Variants in TMEM117 observed in about 807,000 individuals in gnomAD.
TMEM117 encodes transmembrane protein 117.
In TMEM117, 27 loss-of-function variants were observed where a neutral mutation model predicts 52.4. The ratio of observed to expected loss-of-function variants is 0.51; its 90% confidence interval spans 0.38 to 0.71. TMEM117 has a LOEUF of 0.71. Ranked by LOEUF, TMEM117 falls within the 30% of genes least tolerant of loss-of-function variation. The pLI is 0.00. For synonymous variants in TMEM117, 215 were observed against 206.3 expected (o/e 1.04, Z -0.36); for missense variants, 556 against 630.5 (o/e 0.88, Z 1.26).
intron 4 of TMEM117, among the ~76,000 whole-genome samples, chr12:44,156,784 G>A (rs1948831296): frequency 6.6e-6 from 1 of 152,016 alleles, no homozygotes; most frequent in Non-Finnish European, 1.5e-5. Flanking sequence ...ATATGAAGAG[G>A]GTTGGCTTTC....
At chr12:44,051,511 G>A (rs1946972008) in intron 3 of TMEM117, among the ~76,000 whole-genome samples, 1 of 152,116 alleles carries the variant, frequency 6.6e-6, no homozygotes, top group Non-Finnish European at 1.5e-5. Flanking sequence ...CAAGACTAAT[G>A]TTGTAAGGGA....
At chr12:43,915,365 G>C (rs562075489) in intron 2 of TMEM117, among the ~76,000 whole-genome samples, 9 of 152,202 alleles carry the variant, frequency 5.9e-5, no homozygotes, top group Non-Finnish European at 4.4e-5. Context: ...TGGGCTTCCT[G>C]TCTTGAGTCT....
chr12:43,846,341 G>A (rs868722243), intron 2 of TMEM117, among the ~76,000 whole-genome samples: 13 of 80,490 alleles, frequency 1.6e-4, no homozygotes, highest in Middle Eastern at 6.9e-3. Context: ...GTTATGATGC[G>A]TTTGTCTCTC....
At chr12:44,276,755 T>C (rs779327693) in intron 5 of TMEM117, among the ~76,000 whole-genome samples, 7 of 152,164 alleles carry the variant, frequency 4.6e-5, no homozygotes, top group Non-Finnish European at 8.8e-5. Flanking sequence ...CATAAAGATA[T>C]ATAATTTTTA....
At position 43,867,359 on chromosome 12, in the gene TMEM117, G is replaced by A. The variant is rs147244924; in HGVS notation, c.277+22431G>A. Among the ~76,000 whole-genome samples, 28 of 152,166 alleles carry A rather than the reference G, an allele frequency of 1.8e-4. No individual in the cohort carries two copies. In the East Asian group the frequency reaches 5.4e-3, roughly 29 times the overall value. ...AGAGGATACGTAAGAAACCTAAATA[G>A]GATGTAAATTATTATACTAATAAAA... On this transcript the variant is annotated intron_variant, in intron 2 of 7. Coordinates refer to ENST00000266534, the MANE Select transcript of TMEM117 (RefSeq NM_032256.3).
intron 6 of TMEM117, among the ~76,000 whole-genome samples, chr12:44,349,136 ATACTATAGAC>A (rs562863644): frequency 4.5e-4 from 69 of 152,044 alleles, no homozygotes; most frequent in Non-Finnish European, 7.5e-4. Flanking sequence ...CCCTCTTAAA[ATACTATAGAC>A]TGTTATCAAT....
chr12:43,871,010 C>G (rs1943694826), intron 2 of TMEM117, among the ~76,000 whole-genome samples: 1 of 152,110 alleles, frequency 6.6e-6, no homozygotes, highest in African/African-American at 2.4e-5. Context: ...GTCTCGAACT[C>G]CTGACCTCAG....
At chr12:44,309,607 A>T (rs1484916517) in intron 6 of TMEM117, among the ~76,000 whole-genome samples, 1 of 152,136 alleles carries the variant, frequency 6.6e-6, no homozygotes, top group Non-Finnish European at 1.5e-5. Context: ...AGCACTTAAT[A>T]TGTACTGGGC....
intron 4 of TMEM117, among the ~76,000 whole-genome samples, chr12:44,147,470 T>C (rs932826466): frequency 1.3e-5 from 2 of 152,170 alleles, no homozygotes; most frequent in Admixed American, 6.5e-5. Context: ...CTTCTGCTGA[T>C]CTATGCCTAA....
the TMEM117 span, among the ~76,000 whole-genome samples, chr12:44,397,811 A>G: frequency 2.6e-5 from 4 of 152,158 alleles, no homozygotes; most frequent in Admixed American, 6.6e-5. Context: ...GCCCTAAGCA[A>G]ATCAATTGTG....
intron 3 of TMEM117, among the ~76,000 whole-genome samples, chr12:43,977,304 A>G (rs10748385): frequency 0.97 from 147,879 of 152,246 alleles, 71,896 homozygotes; most frequent in East Asian, 1. Context: ...AAGCTGCATC[A>G]TCCAGGGCTG....
chr12:44,102,517 T>G (rs1340694237), intron 3 of TMEM117, among the ~76,000 whole-genome samples: 1 of 151,934 alleles, frequency 6.6e-6, no homozygotes, highest in African/African-American at 2.4e-5. Context: ...TCTTCATCTC[T>G]GTAATACTAT....
chr12:44,206,062 T>A (rs1197320735), intron 4 of TMEM117, among the ~76,000 whole-genome samples: 1 of 152,242 alleles, frequency 6.6e-6, no homozygotes, highest in Non-Finnish European at 1.5e-5. Flanking sequence ...CCCACATATT[T>A]ATTGACAGCA....
At chr12:44,290,745 C>G (rs1950693681) in intron 5 of TMEM117, among the ~76,000 whole-genome samples, 1 of 152,144 alleles carries the variant, frequency 6.6e-6, no homozygotes, top group African/African-American at 2.4e-5. Context: ...TCAAGCAATC[C>G]TCCCACCTCA....
rs980327904 is a variant in TMEM117 at position 44,162,632 on chromosome 12, G to A, written c.510+19008G>A. 3.3e-5 allele frequency among the ~76,000 whole-genome samples: 5 copies of A among 152,192 alleles called. No individual in the cohort carries two copies. The South Asian group carries it at 8.3e-4, about 25-fold the overall frequency. On this transcript the variant is annotated intron_variant, in intron 4 of 7. Coordinates refer to ENST00000266534, the MANE Select transcript of TMEM117 (RefSeq NM_032256.3). ...TTCCTTCCAGATGTATCTGTTTACT[G>A]TAGCATTAAGACTGAATGAATGAAT...
chr12:43,866,244 A>G (rs745933490), intron 2 of TMEM117, among the ~76,000 whole-genome samples: 1 of 151,784 alleles, frequency 6.6e-6, no homozygotes, highest in Non-Finnish European at 1.5e-5. Flanking sequence ...GCCAGAAGAT[A>G]TCTTTAAAGT....
At chr12:43,806,271 C>T in the TMEM117 span, 11 of 1,517,860 alleles carry the variant, frequency 7.2e-6, no homozygotes, top group South Asian at 6.1e-5. Context: ...CTCCCGGCTC[C>T]GGCGCTGAGT....
chr12:44,296,350 A>C (rs576564433), intron 5 of TMEM117, among the ~76,000 whole-genome samples: 1 of 152,246 alleles, frequency 6.6e-6, no homozygotes, highest in East Asian at 1.9e-4. Flanking sequence ...AGTGTGCTTC[A>C]GGGTCCACAG....
chr12:44,209,108 AAAG>A (rs1352491832), intron 4 of TMEM117, among the ~76,000 whole-genome samples: 8 of 152,152 alleles, frequency 5.3e-5, no homozygotes, highest in African/African-American at 1.7e-4. Flanking sequence ...ACCTGTTATT[AAAG>A]AAGGTTATAA....
Sources: gnomAD v4.1 joint callset for allele counts (sites outside exome capture counted in the v4.1 genomes callset) on GRCh38, gnomAD v4.1.1 for gene constraint, MANE v1.5 for transcripts, NCBI Gene and HGNC (gene_info 2026-07-23, HGNC 2026-07-21) for gene names.